Variants in ADAMTSL1 observed in about 807,000 individuals in gnomAD.
The protein encoded by ADAMTSL1 is ADAMTS-like protein 1.
ADAMTSL1 carries 126 observed loss-of-function variants against 201.8 expected under a neutral mutation model. The ratio of observed to expected loss-of-function variants is 0.62; its 90% CI spans 0.54 to 0.72. ADAMTSL1 has a LOEUF of 0.72. Ranked by LOEUF, ADAMTSL1 falls within the 30% of genes least tolerant of loss-of-function variation. The pLI, the probability that ADAMTSL1 is intolerant of heterozygous loss-of-function variation, is 0.00. For synonymous variants in ADAMTSL1, 1,121 were observed against 903.4 expected (o/e 1.24, Z -4.32); for missense variants, 2,679 against 2,277.8 (o/e 1.18, Z -3.59).
intron 2 of ADAMTSL1, among the ~76,000 whole-genome samples, chr9:18,452,093 A>T (rs1820428879): frequency 6.6e-6 from 1 of 152,058 alleles, no homozygotes; most frequent in African/African-American, 2.4e-5. Context: ...TTGTATTTTT[A>T]GTAGAGATGG....
intron 1 of ADAMTSL1, among the ~76,000 whole-genome samples, chr9:18,126,130 C>T (rs1016089542): frequency 6.6e-6 from 1 of 152,168 alleles, no homozygotes; most frequent in African/African-American, 2.4e-5. Flanking sequence ...AACTATTTCA[C>T]AAGATTCTGG....
intron 1 of ADAMTSL1, among the ~76,000 whole-genome samples, chr9:17,926,986 A>G (rs773826304): frequency 9.9e-5 from 15 of 152,204 alleles, no homozygotes; most frequent in South Asian, 2.1e-4. Context: ...TTGTACAACC[A>G]TCATTACCAT....
intron 1 of ADAMTSL1, among the ~76,000 whole-genome samples, chr9:17,966,936 G>A (rs1817999887): frequency 6.6e-6 from 1 of 152,050 alleles, no homozygotes; most frequent in African/African-American, 2.4e-5. Context: ...TTTGAAAGTG[G>A]CCATTATTTA....
chr9:18,089,716 A>C (rs575405305), intron 1 of ADAMTSL1, among the ~76,000 whole-genome samples: 1 of 152,344 alleles, frequency 6.6e-6, no homozygotes, highest in African/African-American at 2.4e-5. Context: ...TCAAACTCAT[A>C]GAAGCAGAGA....
intron 1 of ADAMTSL1, among the ~76,000 whole-genome samples, chr9:17,916,784 A>G (rs915514121): frequency 1.2e-4 from 19 of 152,316 alleles, no homozygotes; most frequent in African/African-American, 4.1e-4. Context: ...TCTATCCTGT[A>G]TGAATTTTAG....
intron 1 of ADAMTSL1, among the ~76,000 whole-genome samples, chr9:17,979,141 G>A (rs1818580022): frequency 1.3e-5 from 2 of 152,018 alleles, no homozygotes; most frequent in South Asian, 4.1e-4. Flanking sequence ...TAATGTATCT[G>A]ATAAAGTCTT....
At chr9:18,361,438 A>T (rs1250420331) in intron 2 of ADAMTSL1, among the ~76,000 whole-genome samples, 1 of 152,150 alleles carries the variant, frequency 6.6e-6, no homozygotes, top group South Asian at 2.1e-4. Flanking sequence ...ATTCCTTTTG[A>T]AATTAGAAGT....
At chr9:18,897,857 G>A (rs185557311) in intron 26 of ADAMTSL1, among the ~76,000 whole-genome samples, 265 of 152,268 alleles carry the variant, frequency 1.7e-3, no homozygotes, top group Non-Finnish European at 3.1e-3. Context: ...GGCTGAGATG[G>A]TTGAATTGAC....
intron 15 of ADAMTSL1, among the ~76,000 whole-genome samples, chr9:18,744,137 C>G (rs1818998037): frequency 6.6e-6 from 1 of 152,220 alleles, no homozygotes; most frequent in African/African-American, 2.4e-5. Context: ...TTGGGAAGTG[C>G]AATTCATCAG....
intron 5 of ADAMTSL1, among the ~76,000 whole-genome samples, chr9:18,623,101 G>T (rs1047605264): frequency 6.6e-6 from 1 of 152,072 alleles, no homozygotes; most frequent in African/African-American, 2.4e-5. Context: ...TCACCATGTT[G>T]GCCGGGCTGG....
At chr9:17,918,684 G>C (rs1242194953) in intron 1 of ADAMTSL1, among the ~76,000 whole-genome samples, 1 of 151,584 alleles carries the variant, frequency 6.6e-6, no homozygotes, top group African/African-American at 2.4e-5. Context: ...ATGTCAATCA[G>C]GTCAAATTGG....
At chr9:18,271,920 TG>T (rs1203059728) in intron 2 of ADAMTSL1, among the ~76,000 whole-genome samples, 1 of 151,982 alleles carries the variant, frequency 6.6e-6, no homozygotes, top group East Asian at 1.9e-4. Flanking sequence ...ATTTCTCTGA[TG>T]GCCAGTGATG....
At chr9:18,141,317 C>A (rs1239563682) in intron 1 of ADAMTSL1, among the ~76,000 whole-genome samples, 2 of 152,122 alleles carry the variant, frequency 1.3e-5, no homozygotes, top group African/African-American at 4.8e-5. Context: ...GGCAGCAGTG[C>A]CTTAACAGCC....
chr9:18,261,078 T>C (rs1383775411), intron 2 of ADAMTSL1, among the ~76,000 whole-genome samples: 3 of 73,364 alleles, frequency 4.1e-5, no homozygotes, highest in Non-Finnish European at 5.4e-5. Context: ...GGGGAAAGTG[T>C]GGGGCGGGGG....
chr9:18,457,345 G>A (rs947994157), intron 2 of ADAMTSL1, among the ~76,000 whole-genome samples: 39 of 151,766 alleles, frequency 2.6e-4, no homozygotes, highest in African/African-American at 9.4e-4. Flanking sequence ...TTCTTTTTTT[G>A]TTTTTAGAAA....
At chr9:18,602,364 A>G (rs906153913) in intron 4 of ADAMTSL1, among the ~76,000 whole-genome samples, 5 of 152,354 alleles carry the variant, frequency 3.3e-5, no homozygotes, top group African/African-American at 9.6e-5. Flanking sequence ...CCAAAAGTTC[A>G]CCAGGGTTCA....
intron 2 of ADAMTSL1, among the ~76,000 whole-genome samples, chr9:18,398,198 C>A (rs1301741818): frequency 1.3e-5 from 2 of 152,142 alleles, no homozygotes; most frequent in Non-Finnish European, 2.9e-5. Context: ...ATGGTAGACT[C>A]CCAGTGAATA....
At chr9:18,266,060 A>T (rs1260032446) in intron 2 of ADAMTSL1, among the ~76,000 whole-genome samples, 4 of 152,202 alleles carry the variant, frequency 2.6e-5, no homozygotes, top group African/African-American at 9.6e-5. Flanking sequence ...TTAAAATTTA[A>T]ATTTATAAAG....
intron 19 of ADAMTSL1, among the ~76,000 whole-genome samples, chr9:18,781,314 C>T (rs951578403): frequency 6.6e-6 from 1 of 152,126 alleles, no homozygotes; most frequent in African/African-American, 2.4e-5. Flanking sequence ...GTTTTTGCTG[C>T]CATCACATTT....
Sources: gnomAD v4.1 joint callset for allele counts (sites outside exome capture counted in the v4.1 genomes callset) on GRCh38, gnomAD v4.1.1 for gene constraint, MANE v1.5 for transcripts, NCBI Gene and HGNC (gene_info 2026-07-23, HGNC 2026-07-21) for gene names.